The following NKAIN2 variants were observed in gnomAD, a reference collection of about 807,000 sequenced individuals.
The protein encoded by NKAIN2 is sodium/potassium-transporting ATPase subunit beta-1-interacting protein 2.
Under a neutral mutation model 32.6 loss-of-function variants are expected in NKAIN2, and 14 were observed. That is an observed-to-expected ratio of 0.43 (90% CI 0.28 to 0.67). NKAIN2 has a LOEUF of 0.67. NKAIN2 is among the 30% of genes least tolerant of loss of function. NKAIN2 has a pLI of 0.17. For synonymous variants in NKAIN2, 80 were observed against 87.2 expected, an observed-to-expected ratio of 0.92 and a Z score of 0.46; for missense variants, 198 against 258.3, an observed-to-expected ratio of 0.77 and a Z score of 1.60.
chr6:124,516,479 G>T (rs773115581), intron 3 of NKAIN2, among the ~76,000 whole-genome samples: 1 of 152,004 alleles, frequency 6.6e-6, no homozygotes, highest in Non-Finnish European at 1.5e-5. Flanking sequence ...ATGTTAATAG[G>T]TGTTTTTAGT....
At chr6:124,163,903 G>A (rs780343034) in intron 1 of NKAIN2, among the ~76,000 whole-genome samples, 4 of 152,056 alleles carry the variant, frequency 2.6e-5, no homozygotes, top group East Asian at 1.9e-4. Flanking sequence ...AAGATAATAC[G>A]AACTGAAACT....
chr6:123,877,801 GAGA>G (rs1773235417), intron 1 of NKAIN2, among the ~76,000 whole-genome samples: 1 of 152,172 alleles, frequency 6.6e-6, no homozygotes, highest in Middle Eastern at 3.2e-3. Context: ...TTAAAACTCT[GAGA>G]AGTTTTTAGT....
intron 3 of NKAIN2, among the ~76,000 whole-genome samples, chr6:124,550,914 G>T (rs1004421052): frequency 1.3e-5 from 2 of 152,104 alleles, no homozygotes; most frequent in Non-Finnish European, 2.9e-5. Flanking sequence ...AGAGTGAAGG[G>T]AATAAAACTG....
chr6:124,123,639 A>G (rs1274896611), intron 1 of NKAIN2, among the ~76,000 whole-genome samples: 1 of 152,080 alleles, frequency 6.6e-6, no homozygotes, highest in Non-Finnish European at 1.5e-5. Context: ...CCTACTTTTG[A>G]GATTGGATGA....
intron 1 of NKAIN2, among the ~76,000 whole-genome samples, chr6:123,867,746 A>G (rs371032745): frequency 5.6e-4 from 85 of 152,234 alleles, no homozygotes; most frequent in Admixed American, 1.2e-3. Context: ...TCTTCTCTGA[A>G]TCTTTCTCAA....
chr6:123,827,735 A>G (rs995238128), intron 1 of NKAIN2, among the ~76,000 whole-genome samples: 1 of 152,136 alleles, frequency 6.6e-6, no homozygotes, highest in Non-Finnish European at 1.5e-5. Flanking sequence ...AGTTGTTTCA[A>G]ATTTTGAAAA....
At chr6:124,031,329 A>T (rs1456219524) in intron 1 of NKAIN2, among the ~76,000 whole-genome samples, 2 of 151,838 alleles carry the variant, frequency 1.3e-5, no homozygotes, top group East Asian at 3.9e-4. Flanking sequence ...CTAGCGGTCT[A>T]TCCATTTTGT....
intron 3 of NKAIN2, among the ~76,000 whole-genome samples, chr6:124,448,696 C>T (rs1179624881): frequency 6.6e-6 from 1 of 152,072 alleles, no homozygotes; most frequent in Non-Finnish European, 1.5e-5. Context: ...ACCATTTAGT[C>T]TTTTCTGGCA....
chr6:124,469,511 G>A (rs563919624), intron 3 of NKAIN2, among the ~76,000 whole-genome samples: 1 of 152,244 alleles, frequency 6.6e-6, no homozygotes, highest in Admixed American at 6.5e-5. Context: ...TTTATTCAGT[G>A]TTATCCTGAT....
intron 3 of NKAIN2, among the ~76,000 whole-genome samples, chr6:124,492,504 G>T (rs181592082): frequency 2.0e-5 from 3 of 151,880 alleles, no homozygotes; most frequent in African/African-American, 7.2e-5. Context: ...TTGTTACAGT[G>T]ATTAAAATAG....
intron 1 of NKAIN2, among the ~76,000 whole-genome samples, chr6:124,082,571 AC>A (rs1260620665): frequency 3.3e-5 from 5 of 152,136 alleles, no homozygotes; most frequent in African/African-American, 1.2e-4. Context: ...TTTTAAAAAA[AC>A]ATTTAGAACA....
chr6:124,038,777 A>G (rs1781726462), intron 1 of NKAIN2, among the ~76,000 whole-genome samples: 1 of 152,162 alleles, frequency 6.6e-6, no homozygotes, highest in South Asian at 2.1e-4. Flanking sequence ...AAGAAGTTTC[A>G]TTTTAATATG....
intron 4 of NKAIN2, among the ~76,000 whole-genome samples, chr6:124,678,077 C>T (rs1324825138): frequency 1.3e-5 from 2 of 152,084 alleles, no homozygotes; most frequent in Non-Finnish European, 2.9e-5. Flanking sequence ...TAGAAATCCA[C>T]TTACAGTCTT....
At chr6:124,035,178 G>A (rs574272875) in intron 1 of NKAIN2, among the ~76,000 whole-genome samples, 64 of 152,038 alleles carry the variant, frequency 4.2e-4, no homozygotes, top group Non-Finnish European at 8.1e-4. Context: ...AATGGGAGAA[G>A]GCTATAAAAT....
At position 123,967,383 on chromosome 6, in the gene NKAIN2, G is replaced by A. The variant is rs545387925; in HGVS notation, c.54+163129G>A. On this transcript the variant is annotated intron_variant, in intron 1 of 6. Coordinates refer to ENST00000368417, the MANE Select transcript of NKAIN2 (RefSeq NM_001040214.3). ...ATTCTTTTCTTCATGGCATCTAGCC[G>A]AGTTCACTGGGAAGCCAGCTAATAA... Among the ~76,000 whole-genome samples, 7 of 152,284 alleles carry A rather than the reference G, an allele frequency of 4.6e-5. No individual in the cohort carries two copies. In the South Asian group the frequency reaches 1.0e-3, roughly 23 times the overall value.
At chr6:124,222,836 A>G (rs893070036) in intron 1 of NKAIN2, among the ~76,000 whole-genome samples, 1 of 152,202 alleles carries the variant, frequency 6.6e-6, no homozygotes, top group African/African-American at 2.4e-5. Flanking sequence ...TCATTTGGCT[A>G]TGTGGCATCA....
chr6:124,103,435 T>C (rs796417061), intron 1 of NKAIN2, among the ~76,000 whole-genome samples: 1 of 152,196 alleles, frequency 6.6e-6, no homozygotes, highest in Non-Finnish European at 1.5e-5. Flanking sequence ...CTGCATCTTC[T>C]AGAGTCTGTT....
chr6:124,110,139 C>CTT (rs201686423), intron 1 of NKAIN2, among the ~76,000 whole-genome samples: 1 of 135,550 alleles, frequency 7.4e-6, no homozygotes. Flanking sequence ...CCCTCATTTT[C>CTT]TTTTTTTTTT....
At chr6:124,552,766 C>T (rs1458155818) in intron 3 of NKAIN2, among the ~76,000 whole-genome samples, 3 of 152,178 alleles carry the variant, frequency 2.0e-5, no homozygotes, top group African/African-American at 7.2e-5. Flanking sequence ...TAATTAATCA[C>T]TCAGTTCCCA....
Sources: gnomAD v4.1 joint callset for allele counts (sites outside exome capture counted in the v4.1 genomes callset) on GRCh38, gnomAD v4.1.1 for gene constraint, MANE v1.5 for transcripts, NCBI Gene and HGNC (gene_info 2026-07-23, HGNC 2026-07-21) for gene names.